Variants in ASXL2 observed in about 807,000 individuals in gnomAD.
ASXL2 encodes the protein putative Polycomb group protein ASXL2.
A neutral mutation model predicts 122.0 loss-of-function variants in ASXL2; 23 were observed. The observed-to-expected ratio is 0.19, with a 90% CI of 0.14 to 0.27. The LOEUF is 0.27. Among genes scored for constraint, ASXL2 ranks in the 10% least tolerant of loss-of-function variants. ASXL2 has a pLI of 1.00. For synonymous variants in ASXL2, 650 were observed against 637.0 expected (o/e 1.02, Z -0.31); for missense variants, 1,518 against 1,713.8 (o/e 0.89, Z 2.02).
intron 5 of ASXL2, among the ~76,000 whole-genome samples, chr2:25,797,417 C>T (rs1273636770): frequency 9.2e-5 from 14 of 152,300 alleles, no homozygotes; most frequent in African/African-American, 3.1e-4. Context: ...TGTACTCCAG[C>T]CTGGGCAACA....
chr2:25,869,593 G>A (rs920763640), intron 1 of ASXL2, among the ~76,000 whole-genome samples: 1 of 152,036 alleles, frequency 6.6e-6, no homozygotes, highest in Non-Finnish European at 1.5e-5. Context: ...AGGTCGAGGT[G>A]GTTGGATCAC....
At chr2:25,764,946 T>C (rs1036907604) in intron 8 of ASXL2, among the ~76,000 whole-genome samples, 70 of 152,326 alleles carry the variant, frequency 4.6e-4, no homozygotes, top group Non-Finnish European at 3.2e-4. Context: ...TTAAGTCCTC[T>C]AATTTTAGTA....
intron 8 of ASXL2, among the ~76,000 whole-genome samples, chr2:25,761,973 G>A (rs2088259327): frequency 6.6e-6 from 1 of 151,836 alleles, no homozygotes; most frequent in Non-Finnish European, 1.5e-5. Context: ...ATAAATATAT[G>A]TCCACATTAT....
intron 2 of ASXL2, among the ~76,000 whole-genome samples, chr2:25,840,567 TTCTC>T (rs1574442583): frequency 1.3e-5 from 2 of 152,206 alleles, no homozygotes; most frequent in East Asian, 1.9e-4. Context: ...CTATTCTACT[TTCTC>T]TCTATGAACT....
chr2:25,761,596 C>A (rs1311577670), intron 8 of ASXL2, among the ~76,000 whole-genome samples: 2 of 150,532 alleles, frequency 1.3e-5, no homozygotes, highest in African/African-American at 4.9e-5. Flanking sequence ...TGGCGTGAAC[C>A]CGGGAGGCGG....
chr2:25,740,744 G>T lies in ASXL2; in HGVS notation c.*1285C>A, dbSNP rs1421534563. ...GCCATTCAGAGGCCTCTTTCCATTA[G>T]AAATTTCTAGTGCTCAGACAGCAGT... On this transcript the variant is annotated 3_prime_UTR_variant, in exon 13 of 13. Coordinates refer to ENST00000435504, the MANE Select transcript of ASXL2 (RefSeq NM_018263.6). The T allele has an allele frequency of 4.8e-6, 1 of 206,900 alleles. No individual in the cohort carries two copies. The highest frequency in any genetic ancestry group is 9.8e-6 in the Non-Finnish European group (1 of 101,546). 12.8% of individuals were successfully genotyped at this position (206,900 alleles called of 1,614,324 possible).
intron 3 of ASXL2, among the ~76,000 whole-genome samples, chr2:25,820,842 T>C (rs935635228): frequency 7.2e-5 from 11 of 152,142 alleles, no homozygotes; most frequent in Admixed American, 1.3e-4. Flanking sequence ...GGGAAACATA[T>C]GGAGAACTTG....
chr2:25,829,974 A>G (rs1268352218), intron 3 of ASXL2, among the ~76,000 whole-genome samples: 8 of 152,318 alleles, frequency 5.3e-5, no homozygotes, highest in East Asian at 1.9e-4. Context: ...TTTTGTCCAC[A>G]TCTACAGGCA....
At chr2:25,763,707 A>G (rs1272915117) in intron 8 of ASXL2, among the ~76,000 whole-genome samples, 2 of 152,226 alleles carry the variant, frequency 1.3e-5, no homozygotes, top group Non-Finnish European at 1.5e-5. Context: ...AAGCATTTAC[A>G]TATATTCACT....
chr2:25,820,004 G>C (rs1468626482), intron 3 of ASXL2, among the ~76,000 whole-genome samples: 4 of 152,062 alleles, frequency 2.6e-5, no homozygotes, highest in Non-Finnish European at 4.4e-5. Context: ...TGAACTCCTG[G>C]GCTCAAATTT....
chr2:25,810,276 C>T (rs2089148579), intron 3 of ASXL2: 5 of 630,424 alleles, frequency 7.9e-6, no homozygotes, highest in South Asian at 4.2e-5. Flanking sequence ...CACCAACTTA[C>T]GAGCCACCTC....
intron 5 of ASXL2, among the ~76,000 whole-genome samples, chr2:25,785,029 T>TC (rs1048933637): frequency 2.0e-5 from 3 of 152,250 alleles, no homozygotes; most frequent in Admixed American, 6.5e-5. Context: ...ATAGAATTTT[T>TC]CCCCAAGTCA....
intron 1 of ASXL2, among the ~76,000 whole-genome samples, chr2:25,876,769 G>A (rs1007921549): frequency 6.6e-6 from 1 of 152,186 alleles, no homozygotes; most frequent in African/African-American, 2.4e-5. Context: ...CATATTGTAA[G>A]TGAAAACACC....
At position 25,831,327 on chromosome 2, in the gene ASXL2, CA is replaced by C. The variant is rs1422389811; in HGVS notation, c.143+4210del. ...CAAAAAAAAAAAAAAAAAGAGTATT[CA>C]AAGAATTAACAGCTGAAAACTTCTC... is the stretch of plus-strand genomic sequence containing the variant. On this transcript the variant is annotated intron_variant, in intron 3 of 12. Coordinates refer to ENST00000435504, the MANE Select transcript of ASXL2 (RefSeq NM_018263.6). 2.0e-5 allele frequency among the ~76,000 whole-genome samples: 3 copies of C among 147,254 alleles called. No homozygotes were observed. The East Asian group carries it at 6.1e-4, about 30-fold the overall frequency.
chr2:25,853,842 G>A (rs1036580925), intron 1 of ASXL2, among the ~76,000 whole-genome samples: 1 of 151,762 alleles, frequency 6.6e-6, no homozygotes, highest in Non-Finnish European at 1.5e-5. Context: ...CCTATTATAT[G>A]ACAGATCTAA....
chr2:25,834,711 G>A (rs2089488972), intron 3 of ASXL2, among the ~76,000 whole-genome samples: 1 of 152,196 alleles, frequency 6.6e-6, no homozygotes, highest in Non-Finnish European at 1.5e-5. Context: ...TGCTATAGTG[G>A]AGGTGAATCT....
intron 2 of ASXL2, among the ~76,000 whole-genome samples, chr2:25,843,814 TAAAAAAAA>T (rs541446675): frequency 4.6e-5 from 4 of 86,546 alleles, no homozygotes; most frequent in Non-Finnish European, 6.8e-5. Flanking sequence ...CTCCATCTCT[TAAAAAAAA>T]AAAAAAAAAA....
At chr2:25,784,566 A>C (rs1240292894) in intron 5 of ASXL2, among the ~76,000 whole-genome samples, 2 of 152,242 alleles carry the variant, frequency 1.3e-5, no homozygotes, top group Non-Finnish European at 2.9e-5. Context: ...CTGAAAATCC[A>C]AAACTGATGT....
At chr2:25,830,932 A>C (rs1006797853) in intron 3 of ASXL2, 3 of 152,226 alleles carry the variant, frequency 2.0e-5, no homozygotes, top group African/African-American at 4.8e-5. Flanking sequence ...AATTAACAGA[A>C]TCTCAAGGCA....
Sources: allele counts gnomAD v4.1 joint callset (sites outside exome capture counted in the v4.1 genomes callset), GRCh38; gene constraint gnomAD v4.1.1; transcripts MANE v1.5; gene names NCBI Gene and HGNC (gene_info 2026-07-23, HGNC 2026-07-21).